Variants in CC2D2B observed in about 807,000 individuals in gnomAD.
CC2D2B encodes protein CC2D2B.
CC2D2B carries 128 observed loss-of-function variants against 161.2 expected under a neutral mutation model. The ratio of observed to expected loss-of-function variants is 0.79; its 90% confidence interval spans 0.69 to 0.92. CC2D2B has a LOEUF of 0.92. CC2D2B is among the 40% of genes least tolerant of loss of function. The pLI is 0.00. For synonymous variants in CC2D2B, 391 were observed against 449.8 expected (o/e 0.87, Z 1.65); for missense variants, 1,173 against 1,375.1 (o/e 0.85, Z 2.32).
chr10:95,964,515 AAATAAT>A (rs1194622036), intron 12 of CC2D2B, among the ~76,000 whole-genome samples: 1 of 152,132 alleles, frequency 6.6e-6, no homozygotes, highest in African/African-American at 2.4e-5. Flanking sequence ...AATCCGAAGA[AAATAAT>A]AATAATATTT....
intron 25 of CC2D2B, among the ~76,000 whole-genome samples, chr10:96,009,509 C>T (rs1160830146): frequency 6.6e-6 from 1 of 152,164 alleles, no homozygotes; most frequent in East Asian, 1.9e-4. Flanking sequence ...TACCACTTCA[C>T]ATATAGTGTA....
chr10:96,029,502 C>T (rs1398918479), intron 34 of CC2D2B, among the ~76,000 whole-genome samples: 2 of 151,452 alleles, frequency 1.3e-5, no homozygotes, highest in Non-Finnish European at 2.9e-5. Context: ...AAGGAAACCA[C>T]TCTGCAACTA....
intron 17 of CC2D2B, among the ~76,000 whole-genome samples, chr10:95,976,659 T>C (rs1400277772): frequency 6.6e-6 from 1 of 152,224 alleles, no homozygotes; most frequent in Non-Finnish European, 1.5e-5. Context: ...AAAGGCAGTT[T>C]TGTTACTCAT....
intron 15 of CC2D2B, 56 bp downstream of exon 15, chr10:95,968,957 T>A (rs1468949244): frequency 2.0e-6 from 2 of 976,858 alleles, no homozygotes; most frequent in Non-Finnish European, 2.6e-6. Context: ...TAATTTAAAA[T>A]TTTTTGTTAG....
chr10:96,005,978 C>A (rs2078732914), intron 25 of CC2D2B, among the ~76,000 whole-genome samples: 1 of 152,088 alleles, frequency 6.6e-6, no homozygotes, highest in Non-Finnish European at 1.5e-5. Flanking sequence ...CTACTCTCAT[C>A]TGGTTTCTAA....
At chr10:95,981,192 A>G (rs1245164164) in intron 17 of CC2D2B, among the ~76,000 whole-genome samples, 1 of 152,038 alleles carries the variant, frequency 6.6e-6, no homozygotes, top group Non-Finnish European at 1.5e-5. Context: ...AGGAGATTGA[A>G]ACCATCCTGG....
intron 25 of CC2D2B, among the ~76,000 whole-genome samples, chr10:96,006,732 G>A (rs2078764959): frequency 6.6e-6 from 1 of 152,122 alleles, no homozygotes; most frequent in African/African-American, 2.4e-5. Context: ...ACAGATATCT[G>A]AGTTTTATTT....
chr10:95,993,757 A>G (rs1023843725), intron 22 of CC2D2B, among the ~76,000 whole-genome samples: 2 of 147,890 alleles, frequency 1.4e-5, no homozygotes, highest in Non-Finnish European at 3.0e-5. Context: ...TCATATATAT[A>G]TAGAAAGAGT....
At position 96,012,656 on chromosome 10, in the gene CC2D2B, C is replaced by T. The variant is rs752558048; in HGVS notation, c.3353C>T (p.Thr1118Ile). The stretch of plus-strand genomic sequence containing the variant: ...GATGAAGGGATACAGTTCTTAGTCA[C>T]AAGATATATCAAGGCATTAAATCCA... ...FNDEGIQFLV[T>I]RYIKALNPPQ... The change falls in exon 28 of 35, where the codon ACA becomes ATA. Residue 1118 changes from threonine to isoleucine, a missense_variant. Thr to Ile is a moderately conservative substitution (Grantham distance 89). Around this residue, in one of 3 missense-constraint regions of CC2D2B, gnomAD observed 598 missense variants for 693.2 expected, o/e 0.86. Coordinates refer to ENST00000646931, the MANE Select transcript of CC2D2B (RefSeq NM_001349008.3). 2.5e-6 allele frequency: 4 copies of T among 1,610,556 alleles called. No individual in the cohort carries two copies. The Admixed American group carries it at 6.7e-5, about 27-fold the overall frequency.
intron 32 of CC2D2B, among the ~76,000 whole-genome samples, chr10:96,022,147 G>A (rs140326520): frequency 1.2e-3 from 183 of 152,138 alleles, no homozygotes; most frequent in African/African-American, 4.2e-3. Flanking sequence ...ATGAAATCCC[G>A]TCTCTACTGA....
intron 6 of CC2D2B, among the ~76,000 whole-genome samples, chr10:95,933,124 T>C (rs2075672080): frequency 6.6e-6 from 1 of 152,100 alleles, no homozygotes; most frequent in African/African-American, 2.4e-5. Flanking sequence ...CTTTATTTCA[T>C]TAAGTTGATC....
intron 29 of CC2D2B, among the ~76,000 whole-genome samples, chr10:96,015,141 T>G (rs61869176): frequency 0.05 from 7,598 of 151,618 alleles, 259 homozygotes; most frequent in Middle Eastern, 0.088. Flanking sequence ...CTCGACTCAC[T>G]GCAACCTCTA....
chr10:96,010,504 A>G (rs977056811), intron 26 of CC2D2B, among the ~76,000 whole-genome samples: 15 of 152,188 alleles, frequency 9.9e-5, no homozygotes, highest in Non-Finnish European at 2.2e-4. Flanking sequence ...TTTCTACCTC[A>G]ATGAGTTCAC....
chr10:96,012,329 C>A lies in CC2D2B; in HGVS notation c.3190C>A (p.Gln1064Lys). The A allele has an allele frequency of 1.4e-6, 1 of 705,590 alleles. No individual in the cohort carries two copies. Among genetic ancestry groups the A allele is most frequent in the Non-Finnish European group, 2.6e-6 (1 of 382,478 alleles). The allele number at this position is 705,590 out of a possible 1,614,324, so 43.7% of individuals were successfully genotyped here. ...FLNIFATIEP[Q>K]ISYVTCNPTL... ...AAATATTTTTGCTACCATTGAACCT[C>A]AAATATCATATGTCACCTGTAATCC... is the stretch of plus-strand genomic sequence containing the variant. The change falls in exon 27 of 35, where the codon CAA becomes AAA. Residue 1064 changes from glutamine to lysine, a missense_variant. Around this residue, in one of 3 missense-constraint regions of CC2D2B, gnomAD observed 598 missense variants for 693.2 expected, o/e 0.86. Coordinates refer to ENST00000646931, the MANE Select transcript of CC2D2B (RefSeq NM_001349008.3).
intron 2 of CC2D2B, among the ~76,000 whole-genome samples, chr10:95,915,706 A>T (rs527822781): frequency 6.6e-6 from 1 of 152,234 alleles, no homozygotes; most frequent in African/African-American, 2.4e-5. Context: ...TATCACATTG[A>T]TTGATTTGTG....
At chr10:95,952,695 A>G (rs923563129) in intron 10 of CC2D2B, among the ~76,000 whole-genome samples, 6 of 152,054 alleles carry the variant, frequency 3.9e-5, no homozygotes, top group Admixed American at 2.6e-4. Context: ...TTCTGAAATT[A>G]ATACTCTATC....
chr10:96,004,533 T>A (rs1343740067), intron 25 of CC2D2B, among the ~76,000 whole-genome samples: 1 of 152,222 alleles, frequency 6.6e-6, no homozygotes, highest in Non-Finnish European at 1.5e-5. Flanking sequence ...GTGAGCTTCC[T>A]GTAGCCAATA....
At chr10:96,012,473 G>T in intron 27 of CC2D2B, 59 bp from the exon 28 acceptor site, 1 of 1,244,116 alleles carries the variant, frequency 8.0e-7, no homozygotes, top group Non-Finnish European at 1.2e-6. Flanking sequence ...ATTGGTTCTT[G>T]ATATTTTCTT....
Position 96,004,189 on chromosome 10 carries a change from A to G in CC2D2B, c.2887A>G (p.Lys963Glu). Reference sequence around the variant, plus strand: ...TGATTATAGCTTCTCAAGCTTATCTAAAATAAAAGATAACATATATATCAA... The same window carrying G: ...TGATTATAGCTTCTCAAGCTTATCTGAAATAAAAGATAACATATATATCAA... The part of the protein sequence containing the change: ...GHDYSFSSLS[K>E]IKDNIYINIF... The change falls in exon 25 of 35, where the codon AAA becomes GAA. Residue 963 changes from lysine to glutamate, a missense_variant. This residue lies in a region of CC2D2B where 598 missense variants were observed against 693.2 expected (regional missense o/e 0.86). Transcript: ENST00000646931. 1 of 1,556,182 alleles carries G rather than the reference A, an allele frequency of 6.4e-7. No homozygotes were observed.
Sources: gnomAD v4.1 joint callset for allele counts (sites outside exome capture counted in the v4.1 genomes callset) on GRCh38, gnomAD v4.1.1 for gene constraint, gnomAD v4.1.1 regional missense constraint, MANE v1.5 for transcripts, NCBI Gene and HGNC (gene_info 2026-07-23, HGNC 2026-07-21) for gene names.